Variants in PARP1 observed in about 807,000 individuals in gnomAD.
PARP1 encodes poly(ADP-ribose) polymerase 1.
A neutral mutation model predicts 118.7 loss-of-function variants in PARP1; 44 were observed. The ratio of observed to expected loss-of-function variants is 0.37; its 90% CI spans 0.29 to 0.48. PARP1 has a LOEUF of 0.48. PARP1 is among the 20% of genes least tolerant of loss of function. PARP1 has a pLI of 0.99. For synonymous variants in PARP1, 492 were observed against 483.2 expected (o/e 1.02, Z -0.24); for missense variants, 1,100 against 1,272.4 (o/e 0.86, Z 2.06).
chr1:226,363,413 G>A (rs1160527173), intron 20 of PARP1, among the ~76,000 whole-genome samples: 1 of 152,170 alleles, frequency 6.6e-6, no homozygotes, highest in African/African-American at 2.4e-5. Context: ...CCTATTTGGA[G>A]TGGTGGTCAG....
At chr1:226,402,042 G>A (rs773438333) in intron 2 of PARP1, 172 bp downstream of exon 2, 5 of 1,530,684 alleles carry the variant, frequency 3.3e-6, no homozygotes, top group Middle Eastern at 1.7e-4. Flanking sequence ...TCATGCAACA[G>A]ATGATGCTGA....
chr1:226,365,809 A>G (rs1470565838), intron 18 of PARP1, 145 bp downstream of exon 18: 5 of 647,210 alleles, frequency 7.7e-6, no homozygotes, highest in Non-Finnish European at 1.1e-5. Context: ...AAAAACTACT[A>G]ATTTTTCTGC....
intron 17 of PARP1, 104 bp downstream of exon 17, chr1:226,367,376 T>C: frequency 7.3e-7 from 1 of 1,373,838 alleles, no homozygotes; most frequent in Non-Finnish European, 1.0e-6. Context: ...CAGCCACCTG[T>C]GTTTTAACAA....
chr1:226,367,907 C>T (rs1017457665), intron 16 of PARP1, among the ~76,000 whole-genome samples: 2 of 152,134 alleles, frequency 1.3e-5, no homozygotes, highest in Admixed American at 1.3e-4. Context: ...GGGTCCTGAG[C>T]CAGGAGCTGT....
chr1:226,374,876 A>G (rs2102732677), intron 13 of PARP1, among the ~76,000 whole-genome samples: 1 of 152,360 alleles, frequency 6.6e-6, no homozygotes, highest in South Asian at 2.1e-4. Flanking sequence ...CCAGGCTGAC[A>G]GTGTTAAAGC....
At chr1:226,370,623 G>A in intron 14 of PARP1, 106 bp from the exon 15 acceptor site, 1 of 865,844 alleles carries the variant, frequency 1.2e-6, no homozygotes, top group Non-Finnish European at 2.0e-6. Context: ...GGAGCAGTCA[G>A]GAGCCTGCTG....
intron 1 of PARP1, among the ~76,000 whole-genome samples, chr1:226,404,035 C>T (rs1247390677): frequency 6.6e-6 from 1 of 152,170 alleles, no homozygotes; most frequent in Non-Finnish European, 1.5e-5. Flanking sequence ...ATCAGCTTTC[C>T]CCTGGGTCTG....
At chr1:226,375,548 G>GC (rs1430793580) in intron 13 of PARP1, among the ~76,000 whole-genome samples, 3 of 152,166 alleles carry the variant, frequency 2.0e-5, no homozygotes, top group African/African-American at 7.2e-5. Flanking sequence ...GTAGCCACTG[G>GC]CCAAACTGAG....
Position 226,390,462 on chromosome 1 carries a change from T to C in PARP1, c.565A>G (p.Thr189Ala), listed in dbSNP as rs143482147. ...SQLKGFSLLA[T>A]EDKEALKKQL... Reference sequence around the variant, plus strand: ...TTCTTCAGGGCTTCTTTATCCTCTGTAGCAAGGAGGCTGAAGCCCTTGAGC... The same window carrying C: ...TTCTTCAGGGCTTCTTTATCCTCTGCAGCAAGGAGGCTGAAGCCCTTGAGC... The change falls in exon 4 of 23, where the codon ACA becomes GCA. Residue 189 changes from threonine (T) to alanine (A), a missense_variant. Transcript: ENST00000366794. 1.4e-5 allele frequency: 23 copies of C among 1,614,040 alleles called. No individual in the cohort carries two copies. The African/African-American group carries it at 2.4e-4, about 17-fold the overall frequency.
rs764402712 is a variant in PARP1, at chr1:226,392,875, CTCT to C, written c.287-564_287-562del. 96 of 1,529,790 alleles carry C rather than the reference CTCT, an allele frequency of 6.3e-5. No homozygotes were observed. In the Middle Eastern group the frequency reaches 1.2e-3, roughly 19 times the overall value. 94.8% of individuals were successfully genotyped at this position (1,529,790 alleles called of 1,614,324 possible). A position where few individuals can be genotyped will look rare whatever the true frequency, so the allele number is the denominator to read the frequency against. ...CATTTGGGACAAAAACTGGATTCTT[CTCT>C]TATTATAAAAATAAATTCCCAGGTT... On this transcript the variant is annotated intron_variant, in intron 2 of 22. Coordinates refer to ENST00000366794, the MANE Select transcript of PARP1 (RefSeq NM_001618.4).
rs1434856963 is a variant in PARP1 at position 226,381,104 on chromosome 1, T to A, written c.1264A>T (p.Thr422Ser). Residue 422 changes from threonine (T) to serine (S), a missense_variant, in exon 9 of 23, where the codon ACG (threonine) becomes TCG (serine). Transcript: ENST00000366794. ...ATGCACAGGGAAGCCTTGTTGGCCG[T>A]CCCCGTCAACTTCCCCCCGAGTTTC... ...IEKLGGKLTG[T>S]ANKASLCIST... 1.2e-6 allele frequency: 2 copies of A among 1,614,018 alleles called. No individual in the cohort carries two copies. The highest frequency in any genetic ancestry group is 2.7e-5 in the African/African-American group (2 of 74,906).
chr1:226,408,065 C>T lies in PARP1; in HGVS notation c.-136G>A. On this transcript the variant is annotated 5_prime_UTR_variant, in exon 1 of 23. Transcript: ENST00000366794. ...AGAGCCGCCACCGAACACGCCGCAC[C>T]GGCCACCGCCGTTCCCTGATAGATT... 8 of 1,256,030 alleles carry T rather than the reference C, an allele frequency of 6.4e-6. No individual in the cohort carries two copies. The South Asian group carries it at 7.6e-5, about 12-fold the overall frequency. 77.8% of individuals were successfully genotyped at this position (1,256,030 alleles called of 1,614,324 possible).
chr1:226,407,750 C>A, intron 1 of PARP1, 60 bp downstream of exon 1: 1 of 1,531,194 alleles, frequency 6.5e-7, no homozygotes, highest in Non-Finnish European at 8.8e-7. Context: ...CCAGCCTTCC[C>A]GGACACAGTT....
intron 18 of PARP1, 51 bp downstream of exon 18, chr1:226,365,903 G>A (rs1254994057): frequency 8.1e-7 from 1 of 1,228,132 alleles, no homozygotes; most frequent in African/African-American, 1.5e-5. Context: ...GGAGTGGGCA[G>A]GGAAGAGCTG....
intron 1 of PARP1, among the ~76,000 whole-genome samples, chr1:226,405,073 C>T (rs905711502): frequency 1.3e-5 from 2 of 152,186 alleles, no homozygotes; most frequent in African/African-American, 4.8e-5. Flanking sequence ...GAGAACAATA[C>T]TCCCATGTAA....
At chr1:226,370,592 C>A in intron 14 of PARP1, 75 bp from the exon 15 acceptor site, 2 of 1,228,824 alleles carry the variant, frequency 1.6e-6, no homozygotes, top group East Asian at 2.3e-5. Context: ...GACCGGGCAG[C>A]CCACCCTCAG....
chr1:226,363,011 A>G (rs1057049725), intron 21 of PARP1, 88 bp downstream of exon 21: 7 of 883,912 alleles, frequency 7.9e-6, no homozygotes, highest in South Asian at 3.9e-5. Flanking sequence ...AGCCAGCCAC[A>G]AGGCAGCCTT....
At position 226,385,674 on chromosome 1, in the gene PARP1, C is replaced by G. The variant is rs1482880750; in HGVS notation, c.841G>C (p.Asp281His). The G allele has an allele frequency of 5.0e-6, 8 of 1,614,086 alleles. No individual in the cohort carries two copies. Among genetic ancestry groups the G allele is most frequent in the Non-Finnish European group, 6.8e-6 (8 of 1,179,952 alleles). Residue 281 changes from aspartate to histidine, a missense_variant, in exon 7 of 23, where the codon GAC becomes CAC. Asp to His is a moderately conservative substitution (Grantham distance 81). Coordinates refer to ENST00000366794, the MANE Select transcript of PARP1 (RefSeq NM_001618.4). ...QVPSGESAIL[D>H]RVADGMVFGA... ...AACACCATGCCATCAGCTACTCGGT[C>G]CAAGATCTGCAGCCAGTGGAGAAAC...
intron 7 of PARP1, among the ~76,000 whole-genome samples, chr1:226,384,213 C>T (rs1418715743): frequency 6.6e-6 from 1 of 152,164 alleles, no homozygotes; most frequent in Non-Finnish European, 1.5e-5. Flanking sequence ...GGCTAGGCGC[C>T]CTATTGCTAG....
Sources: allele counts gnomAD v4.1 joint callset (sites outside exome capture counted in the v4.1 genomes callset), GRCh38; gene constraint gnomAD v4.1.1; transcripts MANE v1.5; gene names NCBI Gene and HGNC (gene_info 2026-07-23, HGNC 2026-07-21).